Variants in NBAS observed in about 807,000 individuals in gnomAD.
NBAS encodes the protein NAG/BC035112 fusion.
Under a neutral mutation model 302.5 loss-of-function variants are expected in NBAS, and 219 were observed. That is an observed-to-expected ratio of 0.72 (90% confidence interval 0.65 to 0.81). The LOEUF (loss-of-function observed/expected upper bound fraction) is 0.81. NBAS is among the 30% of genes least tolerant of loss of function. The probability of loss-of-function intolerance (pLI) is 0.00; values close to 1 mark genes in which losing one functional copy is unlikely to be tolerated. For synonymous variants in NBAS, 1,118 were observed against 1,021.6 expected, an observed-to-expected ratio of 1.09 and a Z score of -1.80; for missense variants, 2,932 against 2,841.6, an observed-to-expected ratio of 1.03 and a Z score of -0.72.
At chr2:15,264,583 T>C (rs1668990534) in intron 44 of NBAS, among the ~76,000 whole-genome samples, 2 of 152,192 alleles carry the variant, frequency 1.3e-5, no homozygotes, top group Admixed American at 6.5e-5. Context: ...CGGATGGGCT[T>C]CTGCAGCCAA....
Position 15,541,066 on chromosome 2 carries a change from T to A in NBAS, c.380-1710A>T, listed in dbSNP as rs533971938. 1.1e-4 allele frequency among the ~76,000 whole-genome samples: 17 copies of A among 152,314 alleles called. No homozygotes were observed. In the South Asian group the frequency reaches 3.5e-3, roughly 32 times the overall value. On this transcript the variant is annotated intron_variant, in intron 6 of 51. Transcript: ENST00000281513. ...CATATTGCTGCTCTACCTAGACTGT[T>A]CATCTCCAATCTTACTCATCCTTCC...
At chr2:14,861,442 A>G in the NBAS span, among the ~76,000 whole-genome samples, 2 of 152,210 alleles carry the variant, frequency 1.3e-5, no homozygotes, top group Admixed American at 1.3e-4. Context: ...GTCTTGACAC[A>G]CCTGGAGGAG....
At chr2:15,333,697 T>C (rs893731246) in intron 35 of NBAS, among the ~76,000 whole-genome samples, 1 of 150,756 alleles carries the variant, frequency 6.6e-6, no homozygotes, top group Non-Finnish European at 1.5e-5. Context: ...AGAAATTCCA[T>C]CCAATCAGCT....
the NBAS span, among the ~76,000 whole-genome samples, chr2:14,855,066 A>T: frequency 6.6e-6 from 1 of 151,944 alleles, no homozygotes; most frequent in Non-Finnish European, 1.5e-5. Context: ...TTTGTCTTGT[A>T]TCCAGGATAC....
At chr2:15,483,366 C>T in intron 12 of NBAS, 1 of 437,072 alleles carries the variant, frequency 2.3e-6, no homozygotes, top group South Asian at 1.7e-5. Flanking sequence ...ATTAGTCCAA[C>T]ACCTACTATG....
At chr2:14,964,375 C>T in the NBAS span, among the ~76,000 whole-genome samples, 6 of 152,028 alleles carry the variant, frequency 3.9e-5, no homozygotes, top group Admixed American at 1.3e-4. Context: ...TAAAAAAATA[C>T]ACTGGATGGG....
the NBAS span, among the ~76,000 whole-genome samples, chr2:15,129,088 GCTGC>G: frequency 2.6e-5 from 4 of 152,230 alleles, no homozygotes; most frequent in Non-Finnish European, 5.9e-5. Context: ...CAGCTCTCCG[GCTGC>G]CACGGGTCTG....
the NBAS span, among the ~76,000 whole-genome samples, chr2:14,836,296 T>A: frequency 5.9e-5 from 9 of 152,080 alleles, no homozygotes; most frequent in East Asian, 1.7e-3. Flanking sequence ...CATTTTATTG[T>A]GTTACAACTA....
At chr2:15,110,190 C>T in the NBAS span, among the ~76,000 whole-genome samples, 2 of 152,028 alleles carry the variant, frequency 1.3e-5, no homozygotes, top group Admixed American at 1.3e-4. Context: ...TCAGGACATG[C>T]AGGCACCAGG....
At chr2:15,298,874 T>C (rs1004234400) in intron 40 of NBAS, among the ~76,000 whole-genome samples, 1 of 152,212 alleles carries the variant, frequency 6.6e-6, no homozygotes, top group Non-Finnish European at 1.5e-5. Context: ...CGCCCATTTG[T>C]AGTTGAAGCA....
chr2:15,335,174 TAAAAAAAAAAAA>T (rs34790746), intron 35 of NBAS, among the ~76,000 whole-genome samples: 2 of 117,260 alleles, frequency 1.7e-5, no homozygotes, highest in Non-Finnish European at 3.5e-5. Context: ...TCATCTCTCT[TAAAAAAAAAAAA>T]AAAAAAAAAA....
chr2:15,200,734 A>C (rs1439060335), intron 48 of NBAS, among the ~76,000 whole-genome samples: 3 of 152,152 alleles, frequency 2.0e-5, no homozygotes, highest in Non-Finnish European at 4.4e-5. Context: ...TGTGTATGTC[A>C]ATTTGTCATA....
chr2:15,421,519 C>T (rs1677211392), intron 23 of NBAS, among the ~76,000 whole-genome samples: 1 of 151,750 alleles, frequency 6.6e-6, no homozygotes, highest in African/African-American at 2.4e-5. Flanking sequence ...AGAAGTCCCA[C>T]ATCAATTAAA....
intron 35 of NBAS, among the ~76,000 whole-genome samples, chr2:15,341,449 C>T (rs1160938697): frequency 6.6e-6 from 1 of 151,426 alleles, no homozygotes; most frequent in East Asian, 1.9e-4. Flanking sequence ...ACTGTTAACA[C>T]CCATAGATTA....
chr2:14,862,121 G>A, the NBAS span, among the ~76,000 whole-genome samples: 1 of 151,136 alleles, frequency 6.6e-6, no homozygotes, highest in East Asian at 1.9e-4. Flanking sequence ...CATTCTGGAA[G>A]TGAGCCAGAT....
downstream of NBAS, among the ~76,000 whole-genome samples, chr2:15,163,387 A>G (rs1302738408): frequency 6.6e-6 from 1 of 152,152 alleles, no homozygotes; most frequent in Non-Finnish European, 1.5e-5. Context: ...CCAACAAGAG[A>G]TAAGAAGCCA....
At chr2:15,111,606 C>T in the NBAS span, among the ~76,000 whole-genome samples, 3 of 152,008 alleles carry the variant, frequency 2.0e-5, no homozygotes, top group Non-Finnish European at 2.9e-5. Flanking sequence ...AAGCAGTCTG[C>T]ACCCTGTGAA....
chr2:15,427,639 C>G, intron 22 of NBAS, 72 bp downstream of exon 22: 3 of 1,269,534 alleles, frequency 2.4e-6, no homozygotes, highest in Non-Finnish European at 3.4e-6. Flanking sequence ...TGGTCAGACA[C>G]CACTTTCACA....
chr2:15,456,927 A>G (rs905474576), intron 21 of NBAS, among the ~76,000 whole-genome samples: 1 of 152,190 alleles, frequency 6.6e-6, no homozygotes, highest in Non-Finnish European at 1.5e-5. Context: ...TATAGGCAAA[A>G]AGCAAGGGCA....
Sources: allele counts gnomAD v4.1 joint callset (sites outside exome capture counted in the v4.1 genomes callset), GRCh38; gene constraint gnomAD v4.1.1; transcripts MANE v1.5; gene names NCBI Gene and HGNC (gene_info 2026-07-23, HGNC 2026-07-21).